Variants in PPP2R5E observed in about 807,000 individuals in gnomAD.
PPP2R5E encodes protein phosphatase 2 regulatory subunit B'epsilon.
Under a neutral mutation model 65.3 loss-of-function variants are expected in PPP2R5E, and 4 were observed. That is an observed-to-expected ratio of 0.06 (90% CI 0.03 to 0.14). The LOEUF is 0.14. Ranked by LOEUF, PPP2R5E falls within the 10% of genes least tolerant of loss-of-function variation. The probability of loss-of-function intolerance (pLI) is 1.00; values close to 1 mark genes in which losing one functional copy is unlikely to be tolerated. For missense variants in PPP2R5E, 274 were observed against 556.1 expected (o/e 0.49, Z 5.10); for synonymous variants, 183 against 187.4 (o/e 0.98, Z 0.19).
intron 2 of PPP2R5E, among the ~76,000 whole-genome samples, chr14:63,489,374 G>A (rs1891173132): frequency 6.6e-6 from 1 of 150,816 alleles, no homozygotes; most frequent in African/African-American, 2.4e-5. Context: ...CTCAATGTTG[G>A]TCACCAAATA....
At chr14:63,506,690 CT>C (rs1173047620) in intron 2 of PPP2R5E, among the ~76,000 whole-genome samples, 1 of 152,130 alleles carries the variant, frequency 6.6e-6, no homozygotes, top group African/African-American at 2.4e-5. Flanking sequence ...TCATACCTTC[CT>C]GGTGGGGATA....
intron 2 of PPP2R5E, among the ~76,000 whole-genome samples, chr14:63,499,063 T>C (rs1398734551): frequency 1.3e-5 from 2 of 152,174 alleles, no homozygotes; most frequent in African/African-American, 4.8e-5. Context: ...GTTTACTTCA[T>C]CACAGGCAAT....
intron 2 of PPP2R5E, among the ~76,000 whole-genome samples, chr14:63,463,068 C>T (rs1299513151): frequency 6.8e-6 from 1 of 146,778 alleles, no homozygotes; most frequent in Non-Finnish European, 1.5e-5. Context: ...CGCCATTGCA[C>T]TCCAGCCTGG....
chr14:63,400,641 T>C (rs897462343), intron 5 of PPP2R5E, among the ~76,000 whole-genome samples: 6 of 125,480 alleles, frequency 4.8e-5, no homozygotes, highest in African/African-American at 1.8e-4. Flanking sequence ...GGCAAGTTAA[T>C]ACATTTCCAC....
intron 10 of PPP2R5E, among the ~76,000 whole-genome samples, chr14:63,390,294 C>CGA (rs1884938972): frequency 8.1e-6 from 1 of 123,020 alleles, no homozygotes; most frequent in East Asian, 2.4e-4. Flanking sequence ...GACGCATTCT[C>CGA]GACACACACA....
chr14:63,388,266 G>A (rs1390690053), intron 11 of PPP2R5E, among the ~76,000 whole-genome samples: 6 of 151,860 alleles, frequency 4.0e-5, no homozygotes, highest in Non-Finnish European at 7.4e-5. Context: ...TCAGCTTCCC[G>A]AGTAGTTGGG....
intron 2 of PPP2R5E, among the ~76,000 whole-genome samples, chr14:63,498,608 A>C (rs1891699195): frequency 6.6e-6 from 1 of 151,786 alleles, no homozygotes; most frequent in East Asian, 1.9e-4. Context: ...CCCAGGCTGG[A>C]GCGAGATGGC....
chr14:63,463,753 T>C (rs939768898), intron 2 of PPP2R5E, among the ~76,000 whole-genome samples: 3 of 151,704 alleles, frequency 2.0e-5, no homozygotes, highest in African/African-American at 4.8e-5. Flanking sequence ...CCCGCCACCA[T>C]GCCCGGCTAC....
intron 3 of PPP2R5E, among the ~76,000 whole-genome samples, chr14:63,428,895 C>T (rs1286848014): frequency 6.6e-6 from 1 of 152,070 alleles, no homozygotes; most frequent in Non-Finnish European, 1.5e-5. Context: ...ACTAATTTTA[C>T]ACTATGATTT....
intron 2 of PPP2R5E, among the ~76,000 whole-genome samples, chr14:63,530,396 C>G (rs1893372896): frequency 6.6e-6 from 1 of 151,672 alleles, no homozygotes; most frequent in African/African-American, 2.4e-5. Flanking sequence ...CCATGCCTGG[C>G]TAATTTTTGT....
chr14:63,520,311 A>C (rs1892846126), intron 2 of PPP2R5E, among the ~76,000 whole-genome samples: 1 of 152,204 alleles, frequency 6.6e-6, no homozygotes, highest in African/African-American at 2.4e-5. Context: ...CTGGGATTAC[A>C]GGTGTGAGCC....
chr14:63,415,626 AT>A (rs1363565234), intron 4 of PPP2R5E, among the ~76,000 whole-genome samples: 1 of 152,156 alleles, frequency 6.6e-6, no homozygotes, highest in Non-Finnish European at 1.5e-5. Flanking sequence ...ATATAAATAT[AT>A]TTTTACAGTT....
intron 2 of PPP2R5E, among the ~76,000 whole-genome samples, chr14:63,470,263 T>C (rs1890048199): frequency 6.6e-6 from 1 of 152,008 alleles, no homozygotes; most frequent in African/African-American, 2.4e-5. Flanking sequence ...GTAAAGACAG[T>C]GCTTCACTAT....
At chr14:63,445,645 C>T (rs767201357) in intron 3 of PPP2R5E, among the ~76,000 whole-genome samples, 5 of 152,132 alleles carry the variant, frequency 3.3e-5, no homozygotes, top group Non-Finnish European at 7.3e-5. Flanking sequence ...GAGTTCAAGA[C>T]CAGCCTGGCC....
chr14:63,420,140 G>T (rs920478234), intron 4 of PPP2R5E, among the ~76,000 whole-genome samples: 4 of 152,164 alleles, frequency 2.6e-5, no homozygotes, highest in African/African-American at 9.7e-5. Context: ...GGCAAGAGTG[G>T]TCCCAATGTC....
At chr14:63,437,712 C>G (rs781193488) in intron 3 of PPP2R5E, among the ~76,000 whole-genome samples, 2 of 152,168 alleles carry the variant, frequency 1.3e-5, no homozygotes, top group Non-Finnish European at 2.9e-5. Flanking sequence ...GCCCATTTAG[C>G]ACCTAACATT....
intron 1 of PPP2R5E, among the ~76,000 whole-genome samples, chr14:63,540,983 C>T (rs548577635): frequency 4.0e-4 from 61 of 152,218 alleles, no homozygotes; most frequent in South Asian, 1.9e-3. Flanking sequence ...TCCATTGATA[C>T]ATTTTCCCAA....
At chr14:63,516,523 C>A (rs1025016482) in intron 2 of PPP2R5E, among the ~76,000 whole-genome samples, 1 of 152,260 alleles carries the variant, frequency 6.6e-6, no homozygotes, top group Non-Finnish European at 1.5e-5. Context: ...AAACTCCTAG[C>A]AACTTCTTTG....
In PPP2R5E at chr14:63,543,247, AG is replaced by A. The variant is rs748563033; in HGVS notation, c.-477del. On this transcript the variant is annotated 5_prime_UTR_variant, in exon 1 of 14. Transcript: ENST00000337537. ...AAGGAGGAGGAGCCGCAGGAGCTGGAGCCGCCGCTGCCAGAGCCACCTTTCG... is the reference window on the plus strand; with the variant it reads ...AAGGAGGAGGAGCCGCAGGAGCTGGACCGCCGCTGCCAGAGCCACCTTTCG... The A allele has an allele frequency of 3.3e-5, 5 of 153,390 alleles. No homozygotes were observed. Among genetic ancestry groups the A allele is most frequent in the African/African-American group, 4.8e-5 (2 of 41,468 alleles). The allele number at this position is 153,390 out of a possible 1,614,324, so 9.5% of individuals were successfully genotyped here. A position where few individuals can be genotyped will look rare whatever the true frequency, so the allele number is the denominator to read the frequency against.
Sources: gnomAD v4.1 joint callset for allele counts (sites outside exome capture counted in the v4.1 genomes callset) on GRCh38, gnomAD v4.1.1 for gene constraint, MANE v1.5 for transcripts, NCBI Gene and HGNC (gene_info 2026-07-23, HGNC 2026-07-21) for gene names.